HYCC1: variants seen among roughly 807,000 people sequenced by gnomAD.
The protein encoded by HYCC1 is hyccin.
At chr7:22,975,113 A>C in the HYCC1 span, among the ~76,000 whole-genome samples, 8 of 152,168 alleles carry the variant, frequency 5.3e-5, no homozygotes, top group African/African-American at 9.7e-5. Flanking sequence ...TTTCTAAATA[A>C]ATTCCTCAAA....
chr7:22,991,060 C>T, the HYCC1 span: 2 of 1,597,540 alleles, frequency 1.3e-6, no homozygotes, highest in Non-Finnish European at 1.7e-6. Context: ...GTAAATATTA[C>T]CTTAAACTCT....
the HYCC1 span, among the ~76,000 whole-genome samples, chr7:22,949,138 A>T: frequency 6.6e-6 from 1 of 152,216 alleles, no homozygotes; most frequent in South Asian, 2.1e-4. Context: ...TTAAAAGCTA[A>T]GCATAGGCCT....
chr7:22,990,562 C>T, the HYCC1 span, among the ~76,000 whole-genome samples: 2 of 152,202 alleles, frequency 1.3e-5, no homozygotes, highest in African/African-American at 4.8e-5. Context: ...TAGAGAAAAG[C>T]TCATGAGACA....
At chr7:22,981,119 C>T in the HYCC1 span, among the ~76,000 whole-genome samples, 1 of 152,164 alleles carries the variant, frequency 6.6e-6, no homozygotes, top group Admixed American at 6.5e-5. Context: ...AGCTTTATCA[C>T]TAACTGACAT....
chr7:22,915,514 C>T, the HYCC1 span, among the ~76,000 whole-genome samples: 1 of 152,198 alleles, frequency 6.6e-6, no homozygotes, highest in Non-Finnish European at 1.5e-5. Flanking sequence ...GGCAGCCACT[C>T]GCAGAATCCC....
the HYCC1 span, among the ~76,000 whole-genome samples, chr7:22,998,165 A>G: frequency 6.6e-6 from 1 of 152,222 alleles, no homozygotes; most frequent in Admixed American, 6.5e-5. Context: ...TTGGACTCTA[A>G]TAAGAGAAGT....
the HYCC1 span, among the ~76,000 whole-genome samples, chr7:23,001,740 G>A: frequency 6.6e-6 from 1 of 152,076 alleles, no homozygotes; most frequent in Non-Finnish European, 1.5e-5. Context: ...TCTATCAACT[G>A]GTATTTACCA....
At chr7:22,905,553 T>C in the HYCC1 span, among the ~76,000 whole-genome samples, 6 of 151,924 alleles carry the variant, frequency 3.9e-5, no homozygotes, top group East Asian at 7.7e-4. Context: ...ATACAAACCA[T>C]GTCACCATCT....
the HYCC1 span, among the ~76,000 whole-genome samples, chr7:23,013,195 AC>A: frequency 6.6e-6 from 1 of 152,148 alleles, no homozygotes; most frequent in Non-Finnish European, 1.5e-5. Context: ...TTTCAGCCAA[AC>A]CCCCGAGGAT....
chr7:23,011,723 A>C, the HYCC1 span, among the ~76,000 whole-genome samples: 1 of 152,214 alleles, frequency 6.6e-6, no homozygotes, highest in African/African-American at 2.4e-5. Flanking sequence ...TCAACTGCCA[A>C]TGTCAATTGA....
the HYCC1 span, among the ~76,000 whole-genome samples, chr7:22,953,341 G>C: frequency 6.6e-6 from 1 of 151,860 alleles, no homozygotes; most frequent in Admixed American, 6.6e-5. Flanking sequence ...GAAAGGAGGA[G>C]TGCTCAATAA....
At chr7:22,919,464 G>A in the HYCC1 span, among the ~76,000 whole-genome samples, 2 of 151,200 alleles carry the variant, frequency 1.3e-5, no homozygotes, top group South Asian at 2.1e-4. Flanking sequence ...GGGAGGCAGA[G>A]GTTGTAGTGA....
At chr7:22,947,281 T>C in the HYCC1 span, 153 of 1,516,404 alleles carry the variant, frequency 1.0e-4, 1 homozygote, top group South Asian at 1.7e-3. Context: ...AAATGATGGA[T>C]GAAAACAAAA....
the HYCC1 span, among the ~76,000 whole-genome samples, chr7:23,007,929 C>T: frequency 9.2e-5 from 14 of 152,024 alleles, no homozygotes; most frequent in Admixed American, 8.5e-4. Context: ...AAGACTATTT[C>T]CTTAACATAC....
the HYCC1 span, among the ~76,000 whole-genome samples, chr7:22,987,591 GCAGA>G: frequency 6.6e-6 from 1 of 152,112 alleles, no homozygotes; most frequent in Admixed American, 6.5e-5. Context: ...CATAGCTAGA[GCAGA>G]CAATGAATAA....
chr7:22,953,762 C>T, the HYCC1 span, among the ~76,000 whole-genome samples: 1 of 151,680 alleles, frequency 6.6e-6, no homozygotes, highest in South Asian at 2.1e-4. Context: ...GAAAGAAATG[C>T]TTATTTTTGT....
At chr7:22,982,479 T>C in the HYCC1 span, among the ~76,000 whole-genome samples, 1 of 152,162 alleles carries the variant, frequency 6.6e-6, no homozygotes, top group Admixed American at 6.5e-5. Context: ...ATTTTGGTAG[T>C]TTCATCCCAG....
At chr7:22,972,763 C>T in the HYCC1 span, among the ~76,000 whole-genome samples, 1 of 152,218 alleles carries the variant, frequency 6.6e-6, no homozygotes, top group South Asian at 2.1e-4. Flanking sequence ...TTCACACATA[C>T]TATGTAGGAA....
At chr7:22,929,293 T>C in the HYCC1 span, among the ~76,000 whole-genome samples, 1 of 152,226 alleles carries the variant, frequency 6.6e-6, no homozygotes. Context: ...AAGGACTTCA[T>C]GTCTAAAACA....
Sources: allele counts gnomAD v4.1 joint callset (sites outside exome capture counted in the v4.1 genomes callset), GRCh38; gene constraint gnomAD v4.1.1; transcripts MANE v1.5; gene names NCBI Gene and HGNC (gene_info 2026-07-23, HGNC 2026-07-21).